Variants in AMOTL2 observed in about 807,000 individuals in gnomAD.
AMOTL2 encodes angiomotin-like protein 2.
Under a neutral mutation model 78.4 loss-of-function variants are expected in AMOTL2, and 33 were observed. The ratio of observed to expected loss-of-function variants is 0.42; its 90% confidence interval spans 0.32 to 0.56. The LOEUF is 0.56. Ranked by LOEUF, AMOTL2 falls within the 20% of genes least tolerant of loss-of-function variation. The probability of loss-of-function intolerance (pLI) is 0.12; values close to 1 mark genes in which losing one functional copy is unlikely to be tolerated. For missense variants in AMOTL2, 983 were observed against 1,030.1 expected (o/e 0.95, Z 0.63); for synonymous variants, 422 against 428.8 (o/e 0.98, Z 0.20).
Position 134,370,933 on chromosome 3 carries a change from C to T in AMOTL2, c.501G>A (p.Leu167=). The T allele has an allele frequency of 6.2e-7, 1 of 1,612,046 alleles. No individual in the cohort carries two copies. Among genetic ancestry groups the T allele is most frequent in the Non-Finnish European group, 8.5e-7 (1 of 1,179,360 alleles). The change falls in exon 2 of 10, where the codon CTG becomes CTA. Residue 167 remains leucine (L), a synonymous_variant. Transcript: ENST00000249883. The part of the protein sequence containing the change: ...SLSERLLQLS[L]ERNGARAPSH... ...TGGGGGCCCGGGCGCCGTTCCTCTC[C>T]AGGGACAACTGAAGGAGCCGTTCAC...
In AMOTL2 at chr3:134,366,603, T is replaced by C. The variant is rs1015489493; in HGVS notation, c.1042-176A>G. ...AAGCTTGTAGCCTCCGGAAGTAGAATAGACTGCTGGGACCAGCAAGCAACG... is the reference window on the plus strand; with the variant it reads ...AAGCTTGTAGCCTCCGGAAGTAGAACAGACTGCTGGGACCAGCAAGCAACG... On this transcript the variant is annotated intron_variant, in intron 3 of 9. Coordinates refer to ENST00000249883, the MANE Select transcript of AMOTL2 (RefSeq NM_016201.4). 9.4e-5 allele frequency: 59 copies of C among 626,758 alleles called. No homozygotes were observed. The Middle Eastern group carries it at 1.3e-3, about 14-fold the overall frequency. The allele number at this position is 626,758 out of a possible 1,614,324, so 38.8% of individuals were successfully genotyped here.
In AMOTL2 at chr3:134,366,389, C is replaced by G. The variant is rs781388578; in HGVS notation, c.1080G>C (p.Glu360Asp). The change falls in exon 4 of 10, where the codon GAG (glutamate) becomes GAC (aspartate). Residue 360 changes from glutamate (E) to aspartate (D), a missense_variant. Physicochemically the swap from Glu to Asp is conservative, Grantham distance 45. Coordinates refer to ENST00000249883, the MANE Select transcript of AMOTL2 (RefSeq NM_016201.4). ...SEIQRLSEAH[E>D]SLTRASSKRE... The stretch of plus-strand genomic sequence containing the variant: ...GCTTGGAGGAGGCTCTGGTCAGGCT[C>G]TCATGGGCCTCAGAGAGCCGCTGGA... 6 of 1,613,984 alleles carry G rather than the reference C, an allele frequency of 3.7e-6. No homozygotes were observed. In the South Asian group the frequency reaches 6.6e-5, roughly 18 times the overall value.
rs1017135165 is a variant in AMOTL2 at position 134,356,289 on chromosome 3, A to G, written c.*1416T>C. ...TGAGGAACCATGGAAATAAAACAAC[A>G]CATACCAAACCTAAAAACGATAAAG... On this transcript the variant is annotated 3_prime_UTR_variant, in exon 10 of 10. Coordinates refer to ENST00000249883, the MANE Select transcript of AMOTL2 (RefSeq NM_016201.4). 7.9e-5 allele frequency: 12 copies of G among 152,604 alleles called. No individual in the cohort carries two copies. Among genetic ancestry groups the G allele is most frequent in the African/African-American group, 2.2e-4 (9 of 41,458 alleles). 9.5% of individuals were successfully genotyped at this position (152,604 alleles called of 1,614,324 possible).
chr3:134,364,006 A>T (rs2017487788), intron 5 of AMOTL2, among the ~76,000 whole-genome samples: 1 of 152,110 alleles, frequency 6.6e-6, no homozygotes. Flanking sequence ...GTAAGAAATA[A>T]GTGGTCTGGG....
chr3:134,361,215 T>C (rs558916343), intron 6 of AMOTL2, among the ~76,000 whole-genome samples: 11 of 151,510 alleles, frequency 7.3e-5, no homozygotes, highest in Non-Finnish European at 1.5e-4. Context: ...GGTTCCTGAC[T>C]TACTTTCTCT....
At chr3:134,366,456 G>T in intron 3 of AMOTL2, 29 bp from the exon 4 acceptor site, 1 of 1,601,396 alleles carries the variant, frequency 6.2e-7, no homozygotes, top group South Asian at 1.1e-5. Context: ...AGAGCTGAAT[G>T]AAGGCGAGAG....
chr3:134,371,134 C>T lies in AMOTL2; in HGVS notation c.300G>A (p.Lys100=). ...CCTCATAGGTGGGCAGCTCCTCTCC[C>T]TTGCTGGGCTGTGGGCATAGCCGGT... ...TLYRLCPQPS[K]GEELPTYEEA... The change falls in exon 2 of 10, where the codon AAG becomes AAA. Residue 100 remains lysine, a synonymous_variant. Coordinates refer to ENST00000249883, the MANE Select transcript of AMOTL2 (RefSeq NM_016201.4). 5.0e-6 allele frequency: 8 copies of T among 1,613,800 alleles called. No homozygotes were observed. The highest frequency in any genetic ancestry group is 6.8e-6 in the Non-Finnish European group (8 of 1,179,892).
chr3:134,363,637 G>C (rs182331923), intron 5 of AMOTL2, among the ~76,000 whole-genome samples: 3 of 152,238 alleles, frequency 2.0e-5, no homozygotes, highest in African/African-American at 7.2e-5. Context: ...TGGCCTAGAA[G>C]GGCCAGAAGG....
chr3:134,368,326 A>G (rs1188736587), intron 2 of AMOTL2, among the ~76,000 whole-genome samples: 1 of 152,130 alleles, frequency 6.6e-6, no homozygotes, highest in Non-Finnish European at 1.5e-5. Context: ...CAGTTTCAAG[A>G]CTGCCAAAGC....
In AMOTL2 at chr3:134,361,561, C is replaced by G; in HGVS notation, c.1526G>C (p.Arg509Pro). Residue 509 changes from arginine (R) to proline (P), a missense_variant, in exon 6 of 10, where the codon CGT becomes CCT. Transcript: ENST00000249883. ...TTCCTGCTCCAGGCGAGTCCGCAGACGCAGCTCCAGCTGCTCCCGCTTCTC... is the reference window on the plus strand; with the variant it reads ...TTCCTGCTCCAGGCGAGTCCGCAGAGGCAGCTCCAGCTGCTCCCGCTTCTC... ...ACEKREQLEL[R>P]LRTRLEQELK... 1 of 1,613,352 alleles carries G rather than the reference C, an allele frequency of 6.2e-7. No homozygotes were observed. Among genetic ancestry groups the G allele is most frequent in the Non-Finnish European group, 8.5e-7 (1 of 1,179,914 alleles).
At chr3:134,359,959 C>T in intron 7 of AMOTL2, 147 bp downstream of exon 7, 1 of 880,602 alleles carries the variant, frequency 1.1e-6, no homozygotes, top group South Asian at 1.8e-5. Context: ...CCTGGTGTGC[C>T]AATCATGCAG....
rs746432080 is a variant in AMOTL2, at chr3:134,357,687, C to T, written c.*18G>A. The T allele has an allele frequency of 8.2e-5, 133 of 1,613,334 alleles. No homozygotes were observed. Among genetic ancestry groups the T allele is most frequent in the Non-Finnish European group, 7.4e-5 (87 of 1,179,410 alleles). On this transcript the variant is annotated 3_prime_UTR_variant, in exon 10 of 10. Transcript: ENST00000249883. ...AGGAGGGGAGAGAATGGCTCAGAGT[C>T]CTGAAGCACCACCTCCTTCAGATCA...
At chr3:134,372,304 CAGTCATTCTGCA>C (rs1195757584) in intron 1 of AMOTL2, among the ~76,000 whole-genome samples, 1 of 152,124 alleles carries the variant, frequency 6.6e-6, no homozygotes, top group Non-Finnish European at 1.5e-5. Context: ...ATGACCTTGG[CAGTCATTCTGCA>C]AGGTGAACAG....
intron 1 of AMOTL2, among the ~76,000 whole-genome samples, chr3:134,372,174 C>T (rs1194250217): frequency 4.6e-5 from 7 of 152,110 alleles, no homozygotes; most frequent in Non-Finnish European, 7.4e-5. Flanking sequence ...CCCTCTAGCC[C>T]GCTGAACCCC....
At chr3:134,366,231 GT>G (rs1553722153) in intron 4 of AMOTL2, 51 bp downstream of exon 4, 6 of 748,956 alleles carry the variant, frequency 8.0e-6, no homozygotes, top group Non-Finnish European at 1.2e-5. Context: ...AACAAAAGAA[GT>G]AAGTCCTCTG....
At position 134,365,830 on chromosome 3, in the gene AMOTL2, C is replaced by G; in HGVS notation, c.1266G>C (p.Lys422Asn). ...GCCCCTACTCACTCTGAGCAAGCAG[C>G]TTGGCCACCATGTCCTGACTGCCGG... ...AQAGSQDMVAKLLAQSYEQQQ... is the reference protein window; with the variant it reads ...AQAGSQDMVANLLAQSYEQQQ... The change falls in exon 5 of 10, where the codon AAG becomes AAC. Residue 422 changes from lysine (K) to asparagine (N), a missense_variant. By Grantham distance (94) the Lys-to-Asn change is moderately conservative. Transcript: ENST00000249883. The G allele has an allele frequency of 6.2e-7, 1 of 1,614,118 alleles. No homozygotes were observed. The highest frequency in any genetic ancestry group is 8.5e-7 in the Non-Finnish European group (1 of 1,180,016).
intron 5 of AMOTL2, among the ~76,000 whole-genome samples, chr3:134,364,210 CGGGG>C (rs555495552): frequency 6.6e-6 from 1 of 151,716 alleles, no homozygotes; most frequent in African/African-American, 2.4e-5. Flanking sequence ...GAGGGAGCGG[CGGGG>C]GGCGGGCCGG....
upstream of AMOTL2, chr3:134,375,313 T>G (rs1002847219): frequency 5.2e-5 from 71 of 1,366,818 alleles, no homozygotes; most frequent in East Asian, 3.5e-4. Context: ...GATTCAGCCC[T>G]GCCAAGCACC....
chr3:134,357,725 T>C lies in AMOTL2; in HGVS notation c.2323A>G (p.Met775Val), dbSNP rs778651035. Residue 775 changes from methionine (M) to valine (V), a missense_variant, in exon 10 of 10, where the codon ATG becomes GTG. Physicochemically the swap from Met to Val is conservative, Grantham distance 21 (BLOSUM62 1). Transcript: ENST00000249883. ...CTCCTTCAGATCAGTATCTCCACCA[T>C]GTCTGACAAGTCCTGGACTCTGGAT... is the stretch of plus-strand genomic sequence containing the variant. The part of the protein sequence containing the change: ...ATSRVQDLSD[M>V]VEILI 12 of 1,614,202 alleles carry C rather than the reference T, an allele frequency of 7.4e-6. No homozygotes were observed. Among genetic ancestry groups the C allele is most frequent in the East Asian group, 2.2e-5 (1 of 44,882 alleles).
Sources: gnomAD v4.1 joint callset for allele counts (sites outside exome capture counted in the v4.1 genomes callset) on GRCh38, gnomAD v4.1.1 for gene constraint, MANE v1.5 for transcripts, NCBI Gene and HGNC (gene_info 2026-07-23, HGNC 2026-07-21) for gene names.